Variants in MACROD2 observed in about 807,000 individuals in gnomAD.
The protein encoded by MACROD2 is ADP-ribose glycohydrolase MACROD2.
Under a neutral mutation model 70.4 loss-of-function variants are expected in MACROD2, and 36 were observed. The observed-to-expected ratio is 0.51, with a 90% CI of 0.39 to 0.68. The LOEUF (loss-of-function observed/expected upper bound fraction) is 0.68, where lower values mean the gene tolerates loss of function less well. Ranked by LOEUF, MACROD2 falls within the 30% of genes least tolerant of loss-of-function variation. The pLI, the probability that MACROD2 is intolerant of heterozygous loss-of-function variation, is 0.00. For missense variants in MACROD2, 496 were observed against 538.4 expected (o/e 0.92, Z 0.78); for synonymous variants, 172 against 178.8 (o/e 0.96, Z 0.30).
At chr20:14,202,327 A>G (rs989530328) in intron 3 of MACROD2, among the ~76,000 whole-genome samples, 12 of 152,202 alleles carry the variant, frequency 7.9e-5, no homozygotes, top group Non-Finnish European at 1.5e-5. Flanking sequence ...TGTTTGCTTA[A>G]GATTTGATCC....
chr20:16,019,014 C>T (rs925488167), intron 15 of MACROD2, among the ~76,000 whole-genome samples: 1 of 152,176 alleles, frequency 6.6e-6, no homozygotes, highest in Admixed American at 6.5e-5. Context: ...TTTTTCTACT[C>T]TCCCCAATAA....
intron 3 of MACROD2, among the ~76,000 whole-genome samples, chr20:14,212,510 G>A (rs935327402): frequency 4.6e-5 from 7 of 152,108 alleles, no homozygotes; most frequent in Non-Finnish European, 2.9e-5. Context: ...AAATTATTTC[G>A]CCTTCTCTCA....
rs146152000 is a variant in MACROD2 at position 15,372,458 on chromosome 20, T to G, written c.541-58947T>G. On this transcript the variant is annotated intron_variant, in intron 6 of 17. Coordinates refer to ENST00000684519, the MANE Select transcript of MACROD2 (RefSeq NM_001351661.2). The stretch of plus-strand genomic sequence containing the variant: ...ACTGCTGCTTTCAAGTGCATTTCCC[T>G]TATTTCTAGTAAGATATCTTCTCAC... Among the ~76,000 whole-genome samples, 1,446 of 152,348 alleles carry G rather than the reference T, an allele frequency of 9.5e-3. 10 individuals are homozygous for G. Among genetic ancestry groups the G allele is most frequent in the Non-Finnish European group, 0.014 (946 of 68,034 alleles).
chr20:14,583,375 G>T (rs1485176564), intron 4 of MACROD2, among the ~76,000 whole-genome samples: 1 of 152,128 alleles, frequency 6.6e-6, no homozygotes, highest in African/African-American at 2.4e-5. Context: ...TCATTTAGGT[G>T]GGCAACCCTG....
intron 3 of MACROD2, among the ~76,000 whole-genome samples, chr20:14,347,253 G>A (rs6079395): frequency 0.49 from 74,189 of 151,902 alleles, 18,674 homozygotes; most frequent in Non-Finnish European, 0.54. Flanking sequence ...GGTGGTAAGT[G>A]CAAGCAAGGA....
At chr20:14,136,543 C>T (rs1008779427) in intron 3 of MACROD2, among the ~76,000 whole-genome samples, 6 of 152,104 alleles carry the variant, frequency 3.9e-5, no homozygotes, top group African/African-American at 7.2e-5. Context: ...TCTCCAAGTA[C>T]GGTGCCTGGA....
chr20:14,623,446 G>A (rs1781511282), intron 4 of MACROD2, among the ~76,000 whole-genome samples: 1 of 152,154 alleles, frequency 6.6e-6, no homozygotes, highest in South Asian at 2.1e-4. Flanking sequence ...CCCTGGCAAG[G>A]GCTTTGGGAG....
chr20:15,292,720 T>C (rs1475446391), intron 6 of MACROD2, among the ~76,000 whole-genome samples: 1 of 152,214 alleles, frequency 6.6e-6, no homozygotes, highest in Non-Finnish European at 1.5e-5. Context: ...AAATGCTACA[T>C]CATTATTATA....
intron 3 of MACROD2, among the ~76,000 whole-genome samples, chr20:14,096,716 T>A (rs540854852): frequency 1.3e-5 from 2 of 152,284 alleles, no homozygotes; most frequent in African/African-American, 4.8e-5. Flanking sequence ...TTTTATTAGT[T>A]CCTTACCTTG....
At chr20:15,598,971 C>T (rs1354602692) in intron 8 of MACROD2, among the ~76,000 whole-genome samples, 1 of 152,150 alleles carries the variant, frequency 6.6e-6, no homozygotes, top group East Asian at 1.9e-4. Flanking sequence ...CACATTTATA[C>T]CATTATTTCT....
At chr20:15,793,402 T>G (rs1292532938) in intron 8 of MACROD2, among the ~76,000 whole-genome samples, 1 of 152,236 alleles carries the variant, frequency 6.6e-6, no homozygotes, top group Admixed American at 6.5e-5. Context: ...GGAGAGGAAC[T>G]AGGCTTTTCA....
At chr20:14,849,609 G>A (rs781012102) in intron 5 of MACROD2, among the ~76,000 whole-genome samples, 10 of 152,084 alleles carry the variant, frequency 6.6e-5, no homozygotes, top group African/African-American at 9.6e-5. Flanking sequence ...GTGAAACCCC[G>A]TCTCTACTAA....
At position 14,877,734 on chromosome 20, in the gene MACROD2, A is replaced by G. The variant is rs1294322589; in HGVS notation, c.418+192775A>G. Among the ~76,000 whole-genome samples, 3 of 151,954 alleles carry G rather than the reference A, an allele frequency of 2.0e-5. 1 individual carries two copies. The highest frequency in any genetic ancestry group is 7.2e-5 in the African/African-American group (3 of 41,388). ...TTTTTGCATCTATTGAGAGGATCAT[A>G]TGGTTTTTGTTTTTAGTTCTGTTTG... On this transcript the variant is annotated intron_variant, in intron 5 of 17. Transcript: ENST00000684519.
chr20:14,705,210 C>G (rs1381347643), intron 5 of MACROD2, among the ~76,000 whole-genome samples: 2 of 152,290 alleles, frequency 1.3e-5, no homozygotes, highest in Non-Finnish European at 1.5e-5. Context: ...TTCTACCCGT[C>G]TGTTACTTTG....
intron 5 of MACROD2, among the ~76,000 whole-genome samples, chr20:14,840,013 A>T (rs1435636938): frequency 6.7e-6 from 1 of 148,228 alleles, no homozygotes; most frequent in Non-Finnish European, 1.5e-5. Flanking sequence ...TATATAAAAC[A>T]TCTTTTAGAG....
chr20:14,401,317 A>G (rs1393751485), intron 3 of MACROD2, among the ~76,000 whole-genome samples: 2 of 152,158 alleles, frequency 1.3e-5, no homozygotes, highest in African/African-American at 4.8e-5. Context: ...TATATACCCA[A>G]TAATGGGATT....
intron 5 of MACROD2, among the ~76,000 whole-genome samples, chr20:15,093,169 C>A (rs138371456): frequency 1.3e-5 from 2 of 152,138 alleles, no homozygotes; most frequent in Non-Finnish European, 2.9e-5. Flanking sequence ...AAATTATCTC[C>A]CCACCAAAGA....
chr20:16,036,030 A>G (rs527836080), intron 15 of MACROD2, among the ~76,000 whole-genome samples: 1 of 152,140 alleles, frequency 6.6e-6, no homozygotes, highest in African/African-American at 2.4e-5. Flanking sequence ...TGAACGCATT[A>G]TCTAATCCAA....
intron 5 of MACROD2, among the ~76,000 whole-genome samples, chr20:14,991,694 T>C (rs1325048634): frequency 1.3e-5 from 2 of 152,178 alleles, no homozygotes; most frequent in Non-Finnish European, 2.9e-5. Flanking sequence ...TCAAAATAGA[T>C]CTCACTTCTT....
Sources: allele counts gnomAD v4.1 joint callset (sites outside exome capture counted in the v4.1 genomes callset), GRCh38; gene constraint gnomAD v4.1.1; transcripts MANE v1.5; gene names NCBI Gene and HGNC (gene_info 2026-07-23, HGNC 2026-07-21).